The following AP3D1 variants were observed in gnomAD, a reference collection of about 807,000 sequenced individuals.
The protein encoded by AP3D1 is AP-3 complex subunit delta-1.
In AP3D1, 51 loss-of-function variants were observed where a neutral mutation model predicts 147.6. The ratio of observed to expected loss-of-function variants is 0.35; its 90% CI spans 0.28 to 0.44. The LOEUF is 0.44. Among genes scored for constraint, AP3D1 ranks in the 20% least tolerant of loss-of-function variants. The pLI is 1.00. For missense variants in AP3D1, 1,421 were observed against 1,624.2 expected (o/e 0.87, Z 2.15); for synonymous variants, 760 against 663.0 (o/e 1.15, Z -2.25).
chr19:2,116,940 G>T, intron 16 of AP3D1, 194 bp from the exon 17 acceptor site: 2 of 875,498 alleles, frequency 2.3e-6, no homozygotes, highest in Non-Finnish European at 3.3e-6. Context: ...GACTGCGGCA[G>T]GGTCACAGTG....
chr19:2,111,729 C>A lies in AP3D1; in HGVS notation c.2887G>T (p.Ala963Ser), dbSNP rs1268606172. 6.2e-7 allele frequency: 1 copy of A among 1,606,298 alleles called. No individual in the cohort carries two copies. The highest frequency in any genetic ancestry group is 1.3e-5 in the African/African-American group (1 of 74,876). Residue 963 changes from alanine (A) to serine (S), a missense_variant, in exon 25 of 32, where the codon GCA becomes TCA. This residue lies in a region of AP3D1 where 791 missense variants were observed against 761.4 expected (regional missense o/e 1.04). Transcript: ENST00000643116. ...CCATTCTGCACCGGCTCCCCCGCTG[C>A]CTCCTCGCTGCCTGGAGGCTGCTTC... ...SKKQPPGSEEAAGEPVQNGAP... is the reference protein window; with the variant it reads ...SKKQPPGSEESAGEPVQNGAP...
chr19:2,137,344 C>T (rs932321420), intron 3 of AP3D1, among the ~76,000 whole-genome samples: 41 of 151,432 alleles, frequency 2.7e-4, no homozygotes, highest in Non-Finnish European at 4.6e-4. Context: ...GACAAAGTCT[C>T]GCTCTGTTGC....
intron 16 of AP3D1, chr19:2,116,974 T>C: frequency 2.5e-6 from 2 of 797,110 alleles, no homozygotes; most frequent in Non-Finnish European, 3.8e-6. Context: ...AGGCTCAGGC[T>C]GCCTCAGAGC....
chr19:2,110,106 CTCT>C (rs2018226664), intron 28 of AP3D1, 27 bp downstream of exon 28: 1 of 1,606,426 alleles, frequency 6.2e-7, no homozygotes, highest in Non-Finnish European at 8.5e-7. Flanking sequence ...GCAGAGTCGG[CTCT>C]TCAACGCCAA....
intron 18 of AP3D1, among the ~76,000 whole-genome samples, chr19:2,115,842 T>G (rs575019444): frequency 7.9e-5 from 12 of 152,372 alleles, no homozygotes; most frequent in Admixed American, 2.6e-4. Context: ...CACAGGCCTA[T>G]GAGCAGAGAG....
chr19:2,153,391 G>A (rs2144591453), upstream of AP3D1, among the ~76,000 whole-genome samples: 1 of 150,232 alleles, frequency 6.7e-6, no homozygotes, highest in African/African-American at 2.4e-5. Flanking sequence ...AAGTGGGGGG[G>A]GGGACCGGGC....
rs2018470092 is a variant in AP3D1 at position 2,116,838 on chromosome 19, C to T, written c.1860-92G>A. On this transcript the variant is annotated intron_variant, in intron 16 of 31. Coordinates refer to ENST00000643116, the MANE Select transcript of AP3D1 (RefSeq NM_001261826.3). The stretch of plus-strand genomic sequence containing the variant: ...TGAGCAGGCTCACCACGTGCCTGGC[C>T]ATGTGATATCCCAAACAGTGGGGCC... 10 of 1,440,488 alleles carry T rather than the reference C, an allele frequency of 6.9e-6. No individual in the cohort carries two copies. In the East Asian group the frequency reaches 2.5e-4, roughly 36 times the overall value. The allele number at this position is 1,440,488 out of a possible 1,614,324, so 89.2% of individuals were successfully genotyped here.
rs373978129 is a variant in AP3D1 at position 2,129,071 on chromosome 19, G to A, written c.806+19C>T. The A allele has an allele frequency of 2.9e-5, 46 of 1,560,696 alleles. No individual in the cohort carries two copies. Among genetic ancestry groups the A allele is most frequent in the African/African-American group, 2.4e-4 (18 of 73,716 alleles). ...CCCGTGGAGCCGGCCCGCCCCCACCGCGCATGGCCTGCACTCACCTGTGGA... is the reference window on the plus strand; with the variant it reads ...CCCGTGGAGCCGGCCCGCCCCCACCACGCATGGCCTGCACTCACCTGTGGA... On this transcript the variant is annotated intron_variant, in intron 8 of 31. Transcript: ENST00000643116.
chr19:2,114,519 C>T (rs1466158467), intron 21 of AP3D1, among the ~76,000 whole-genome samples: 11 of 152,148 alleles, frequency 7.2e-5, no homozygotes, highest in Admixed American at 7.2e-4. Context: ...GGCATGGAGA[C>T]CTCCCGAGCA....
chr19:2,153,299 A>G (rs2019605234), upstream of AP3D1, among the ~76,000 whole-genome samples: 1 of 149,876 alleles, frequency 6.7e-6, no homozygotes, highest in African/African-American at 2.4e-5. Context: ...ACATGAGTCC[A>G]GGAGGCAGAG....
At chr19:2,141,931 T>G (rs1372173249) in intron 1 of AP3D1, among the ~76,000 whole-genome samples, 3 of 149,630 alleles carry the variant, frequency 2.0e-5, no homozygotes, top group African/African-American at 7.3e-5. Context: ...TAAAATTATA[T>G]ATATTTATAT....
At chr19:2,148,297 G>C (rs548544751) in intron 1 of AP3D1, among the ~76,000 whole-genome samples, 5 of 152,156 alleles carry the variant, frequency 3.3e-5, no homozygotes, top group Admixed American at 6.6e-5. Flanking sequence ...AGTGGACCAA[G>C]ACACATACAC....
At chr19:2,164,480 C>T (rs937333309), upstream of AP3D1, 9 of 326,500 alleles carry the variant, frequency 2.8e-5, no homozygotes, top group African/African-American at 1.5e-4. Flanking sequence ...GGGGTGGGAG[C>T]GGGAGCCGGC....
intron 4 of AP3D1, among the ~76,000 whole-genome samples, chr19:2,134,015 G>T (rs558581491): frequency 2.0e-5 from 3 of 152,114 alleles, no homozygotes; most frequent in South Asian, 2.1e-4. Context: ...GGCTGAGGCA[G>T]GAGAATTGCT....
chr19:2,113,060 T>C (rs2018332144), intron 23 of AP3D1, 93 bp from the exon 24 acceptor site: 3 of 919,270 alleles, frequency 3.3e-6, no homozygotes, highest in South Asian at 3.3e-5. Flanking sequence ...CACCCTCAGC[T>C]TGCCCTCACG....
At chr19:2,152,039 C>G (rs2019543988), upstream of AP3D1, among the ~76,000 whole-genome samples, 1 of 152,222 alleles carries the variant, frequency 6.6e-6, no homozygotes, top group East Asian at 1.9e-4. Context: ...CTCACAACAT[C>G]CTGTGAAATG....
rs541590406 is a variant in AP3D1 at position 2,114,630 on chromosome 19, G to A, written c.2423+118C>T. On this transcript the variant is annotated intron_variant, in intron 21 of 31. Transcript: ENST00000643116. ...GACGTGGTCTGGGGAAGGCCCGCCCGCACCCCACCCCAGCCTGCCCACCCT... is the reference window on the plus strand; with the variant it reads ...GACGTGGTCTGGGGAAGGCCCGCCCACACCCCACCCCAGCCTGCCCACCCT... The A allele has an allele frequency of 2.3e-4, 98 of 425,234 alleles. 2 individuals carry two copies. Among genetic ancestry groups the A allele is most frequent in the South Asian group, 1.8e-3 (92 of 50,546 alleles). 26.3% of individuals were successfully genotyped at this position (425,234 alleles called of 1,614,324 possible).
At chr19:2,155,495 CT>C (rs1241261055), upstream of AP3D1, among the ~76,000 whole-genome samples, 1 of 141,078 alleles carries the variant, frequency 7.1e-6, no homozygotes, top group African/African-American at 2.6e-5. Flanking sequence ...AATTGTGCCC[CT>C]GCACTCCAGC....
chr19:2,134,535 G>A (rs1599480859), intron 4 of AP3D1, among the ~76,000 whole-genome samples: 1 of 150,226 alleles, frequency 6.7e-6, no homozygotes, highest in East Asian at 2.0e-4. Flanking sequence ...AGGAGTTCAA[G>A]ACTAGCCTGA....
Sources: gnomAD v4.1 joint callset for allele counts (sites outside exome capture counted in the v4.1 genomes callset) on GRCh38, gnomAD v4.1.1 for gene constraint, gnomAD v4.1.1 regional missense constraint, MANE v1.5 for transcripts, NCBI Gene and HGNC (gene_info 2026-07-23, HGNC 2026-07-21) for gene names.